The following PTPRD variants were observed in gnomAD, a reference collection of about 807,000 sequenced individuals.
The protein encoded by PTPRD is receptor-type tyrosine-protein phosphatase delta.
In PTPRD, 34 loss-of-function variants were observed where a neutral mutation model predicts 214.5. That is an observed-to-expected ratio of 0.16 (90% CI 0.12 to 0.21). The LOEUF (loss-of-function observed/expected upper bound fraction) is 0.21. PTPRD is among the 10% of genes least tolerant of loss of function. The pLI, the probability that PTPRD is intolerant of heterozygous loss-of-function variation, is 1.00. For synonymous variants in PTPRD, 1,128 were observed against 845.7 expected, an observed-to-expected ratio of 1.33 and a Z score of -5.79; for missense variants, 2,545 against 2,398.7, an observed-to-expected ratio of 1.06 and a Z score of -1.27.
At position 8,520,909 on chromosome 9, in the gene PTPRD, T is replaced by A. The variant is rs141720725; in HGVS notation, c.961+368A>T. Among the ~76,000 whole-genome samples, 407 of 152,276 alleles carry A rather than the reference T, an allele frequency of 2.7e-3. No individual in the cohort carries two copies. The Middle Eastern group carries it at 0.031, about 11-fold the overall frequency. On this transcript the variant is annotated intron_variant, in intron 20 of 45. Coordinates refer to ENST00000381196, the MANE Select transcript of PTPRD (RefSeq NM_002839.4). ...AATTTTAAGCATTTATTAATGCTCATATTGACTTTTCTTGGGGTTCTTATC... is the reference window on the plus strand; with the variant it reads ...AATTTTAAGCATTTATTAATGCTCAAATTGACTTTTCTTGGGGTTCTTATC...
intron 8 of PTPRD, among the ~76,000 whole-genome samples, chr9:9,474,383 C>G (rs2094868219): frequency 6.6e-6 from 1 of 151,874 alleles, no homozygotes; most frequent in Non-Finnish European, 1.5e-5. Context: ...GAAGTCGGGT[C>G]CAGCTTTATT....
intron 8 of PTPRD, among the ~76,000 whole-genome samples, chr9:9,435,159 G>C (rs916696957): frequency 1.4e-4 from 21 of 151,502 alleles, no homozygotes; most frequent in Non-Finnish European, 2.2e-4. Context: ...TGATCATCTT[G>C]GCCCTGACAC....
At chr9:10,452,687 G>C (rs1248166344) in intron 2 of PTPRD, among the ~76,000 whole-genome samples, 2 of 151,586 alleles carry the variant, frequency 1.3e-5, no homozygotes, top group African/African-American at 4.8e-5. Flanking sequence ...CGTTTTGTTA[G>C]CTATTGAGTT....
At chr9:9,439,604 A>C (rs1177660164) in intron 8 of PTPRD, among the ~76,000 whole-genome samples, 1 of 152,160 alleles carries the variant, frequency 6.6e-6, no homozygotes, top group Non-Finnish European at 1.5e-5. Flanking sequence ...TTAGAGGTGC[A>C]TTCCATTAAA....
At chr9:8,944,539 C>T (rs56164221) in intron 11 of PTPRD, among the ~76,000 whole-genome samples, 4 of 151,754 alleles carry the variant, frequency 2.6e-5, no homozygotes, top group East Asian at 1.9e-4. Flanking sequence ...AAGAAAATGT[C>T]GTACATATAC....
chr9:8,863,989 G>C (rs1361456598), intron 11 of PTPRD, among the ~76,000 whole-genome samples: 1 of 152,146 alleles, frequency 6.6e-6, no homozygotes, highest in African/African-American at 2.4e-5. Flanking sequence ...GAAGTCACCA[G>C]AAAGCTAGTA....
chr9:8,331,275 TTAAC>T (rs2131600720), intron 44 of PTPRD, among the ~76,000 whole-genome samples: 1 of 152,254 alleles, frequency 6.6e-6, no homozygotes, highest in South Asian at 2.1e-4. Flanking sequence ...TATGAAATGA[TTAAC>T]AACGAATTAT....
intron 11 of PTPRD, among the ~76,000 whole-genome samples, chr9:8,967,064 A>C (rs2099200774): frequency 6.6e-6 from 1 of 151,980 alleles, no homozygotes; most frequent in South Asian, 2.1e-4. Context: ...TCACTAACAT[A>C]AGAGAAAGGC....
intron 3 of PTPRD, among the ~76,000 whole-genome samples, chr9:10,300,056 C>T (rs977416709): frequency 1.3e-5 from 2 of 152,096 alleles, no homozygotes; most frequent in African/African-American, 4.8e-5. Flanking sequence ...AAATAATTCC[C>T]ATTTTAAAAG....
At chr9:10,114,286 T>C (rs754894526) in intron 3 of PTPRD, among the ~76,000 whole-genome samples, 29 of 152,244 alleles carry the variant, frequency 1.9e-4, no homozygotes, top group Non-Finnish European at 3.5e-4. Flanking sequence ...AGCCACCCTA[T>C]TGAAGGGGTC....
intron 3 of PTPRD, among the ~76,000 whole-genome samples, chr9:10,091,312 G>A (rs1299243028): frequency 6.6e-6 from 1 of 151,396 alleles, no homozygotes; most frequent in Non-Finnish European, 1.5e-5. Context: ...AGAATTATTT[G>A]AAAATGTATC....
intron 9 of PTPRD, among the ~76,000 whole-genome samples, chr9:9,230,262 G>A (rs1422724641): frequency 1.3e-5 from 2 of 152,092 alleles, no homozygotes; most frequent in South Asian, 2.1e-4. Flanking sequence ...TAAAGAGGAG[G>A]TAGGTAGGAG....
At chr9:8,392,060 G>A (rs1329774254) in intron 36 of PTPRD, among the ~76,000 whole-genome samples, 1 of 152,030 alleles carries the variant, frequency 6.6e-6, no homozygotes, top group Non-Finnish European at 1.5e-5. Flanking sequence ...CTAGGCACCA[G>A]GAATCAATAC....
At position 8,524,937 on chromosome 9, in the gene PTPRD, A is replaced by G. The variant is rs1338646191; in HGVS notation, c.667T>C (p.Leu223=). 16 of 1,613,384 alleles carry G rather than the reference A, an allele frequency of 9.9e-6. No homozygotes were observed. The Admixed American group carries it at 2.2e-4, about 22-fold the overall frequency. ...ATGTCATTCCTACCTCTGACATATA[A>G]ATTGGCAGGAGCGGAATAGCGAGTG... ...AGTRYSAPAN[L]YVRELREVRR... is the part of the protein sequence containing the mutation. The change falls in exon 18 of 46, where the codon TTA becomes CTA. Residue 223 remains leucine, a synonymous_variant. Coordinates refer to ENST00000381196, the MANE Select transcript of PTPRD (RefSeq NM_002839.4).
chr9:9,343,244 C>T (rs539797759), intron 9 of PTPRD, among the ~76,000 whole-genome samples: 42 of 152,096 alleles, frequency 2.8e-4, no homozygotes, highest in African/African-American at 9.4e-4. Flanking sequence ...GGGTATATAC[C>T]CAGTAATGGG....
At chr9:8,380,844 C>T (rs987152210) in intron 37 of PTPRD, among the ~76,000 whole-genome samples, 1 of 151,982 alleles carries the variant, frequency 6.6e-6, no homozygotes, top group African/African-American at 2.4e-5. Context: ...TGAGCGGTAG[C>T]CAACTTTATA....
At chr9:10,246,552 GT>G (rs1240610394) in intron 3 of PTPRD, among the ~76,000 whole-genome samples, 1 of 152,108 alleles carries the variant, frequency 6.6e-6, no homozygotes, top group Non-Finnish European at 1.5e-5. Context: ...CAAGATACAT[GT>G]TTTAAAATAG....
intron 12 of PTPRD, among the ~76,000 whole-genome samples, chr9:8,701,205 G>A (rs888244521): frequency 6.6e-6 from 1 of 151,750 alleles, no homozygotes; most frequent in South Asian, 2.1e-4. Context: ...ATAATTCAGG[G>A]GGAAAAAAAA....
chr9:9,137,900 T>C (rs1295119397), intron 10 of PTPRD, among the ~76,000 whole-genome samples: 3 of 152,160 alleles, frequency 2.0e-5, no homozygotes, highest in Non-Finnish European at 4.4e-5. Flanking sequence ...TTCCCGACCA[T>C]TGTTTTCATT....
Sources: allele counts gnomAD v4.1 joint callset (sites outside exome capture counted in the v4.1 genomes callset), GRCh38; gene constraint gnomAD v4.1.1; transcripts MANE v1.5; gene names NCBI Gene and HGNC (gene_info 2026-07-23, HGNC 2026-07-21).